The following HECW1 variants were observed in gnomAD, a reference collection of about 807,000 sequenced individuals.
The protein encoded by HECW1 is HECT, C2 and WW domain containing E3 ubiquitin protein ligase 1, also known as E3 ubiquitin-protein ligase HECW1.
In HECW1, 61 loss-of-function variants were observed where a neutral mutation model predicts 182.3. The observed-to-expected ratio is 0.33, with a 90% CI of 0.27 to 0.41. The LOEUF (loss-of-function observed/expected upper bound fraction) is 0.41, where lower values mean the gene tolerates loss of function less well. Ranked by LOEUF, HECW1 falls within the 10% of genes least tolerant of loss-of-function variation. The pLI is 1.00. For synonymous variants in HECW1, 859 were observed against 832.6 expected, an observed-to-expected ratio of 1.03 and a Z score of -0.55; for missense variants, 1,739 against 2,108.9, an observed-to-expected ratio of 0.82 and a Z score of 3.44.
At chr7:43,491,589 C>T (rs189232599) in intron 17 of HECW1, among the ~76,000 whole-genome samples, 1 of 152,086 alleles carries the variant, frequency 6.6e-6, no homozygotes, top group African/African-American at 2.4e-5. Flanking sequence ...GATTAATATT[C>T]ATGACTTTGA....
intron 3 of HECW1, among the ~76,000 whole-genome samples, chr7:43,280,567 A>G (rs1037809824): frequency 2.6e-5 from 4 of 152,188 alleles, no homozygotes; most frequent in African/African-American, 7.2e-5. Flanking sequence ...ACAAGGAGAA[A>G]AAGTTTTACA....
At chr7:43,194,194 C>T (rs1475247181) in intron 2 of HECW1, among the ~76,000 whole-genome samples, 1 of 151,908 alleles carries the variant, frequency 6.6e-6, no homozygotes, top group Non-Finnish European at 1.5e-5. Flanking sequence ...TCCTCTTGGC[C>T]AAGAGGAGGG....
chr7:43,181,942 G>T (rs1156635739), intron 2 of HECW1, among the ~76,000 whole-genome samples: 2 of 150,642 alleles, frequency 1.3e-5, no homozygotes, highest in East Asian at 1.9e-4. Context: ...TGCCCACCAC[G>T]CCCGGCTAAT....
At chr7:43,224,575 C>A (rs1322813653) in intron 2 of HECW1, among the ~76,000 whole-genome samples, 1 of 152,234 alleles carries the variant, frequency 6.6e-6, no homozygotes, top group Admixed American at 6.5e-5. Flanking sequence ...AATCACAGCA[C>A]TTTGAGATGC....
chr7:43,336,859 C>T lies in HECW1; in HGVS notation c.460+16117C>T, dbSNP rs564313301. Among the ~76,000 whole-genome samples the T allele has an allele frequency of 5.9e-5, 9 of 152,254 alleles. No homozygotes were observed. The South Asian group carries it at 6.2e-4, about 11-fold the overall frequency. ...AGATAATGGCCTCCAGCTCCATCCA[C>T]GTTGCTGCGAAGGACATGATTTTAT... On this transcript the variant is annotated intron_variant, in intron 5 of 29. Transcript: ENST00000395891.
chr7:43,492,812 T>C (rs1334020557), intron 18 of HECW1, among the ~76,000 whole-genome samples: 1 of 152,226 alleles, frequency 6.6e-6, no homozygotes, highest in Non-Finnish European at 1.5e-5. Flanking sequence ...TACCTGTTCA[T>C]GCAGAGATGC....
At chr7:43,147,245 G>GT (rs10660691) in intron 2 of HECW1, among the ~76,000 whole-genome samples, 36 of 151,014 alleles carry the variant, frequency 2.4e-4, no homozygotes, top group East Asian at 9.8e-4. Context: ...ATGTAGTTTT[G>GT]TTTTTTTTTA....
intron 19 of HECW1, among the ~76,000 whole-genome samples, chr7:43,499,507 A>G (rs2079253832): frequency 6.6e-6 from 1 of 151,764 alleles, no homozygotes; most frequent in African/African-American, 2.4e-5. Context: ...AAACAAAAGA[A>G]AAGAAAATCA....
At chr7:43,474,415 C>T (rs1386010413) in intron 16 of HECW1, among the ~76,000 whole-genome samples, 2 of 152,056 alleles carry the variant, frequency 1.3e-5, no homozygotes, top group Admixed American at 1.3e-4. Flanking sequence ...CGCCACTGCA[C>T]TCCAGCCTGA....
At chr7:43,131,767 A>AG (rs1786945836) in intron 2 of HECW1, among the ~76,000 whole-genome samples, 1 of 152,196 alleles carries the variant, frequency 6.6e-6, no homozygotes, top group Admixed American at 6.5e-5. Flanking sequence ...GGGATACTGG[A>AG]GGTGGGCTCT....
intron 2 of HECW1, among the ~76,000 whole-genome samples, chr7:43,237,147 AGGTAGGT>A (rs1562714969): frequency 1.6e-4 from 13 of 83,516 alleles, no homozygotes; most frequent in East Asian, 5.2e-4. Flanking sequence ...GGAAGTAGGT[AGGTAGGT>A]AGGTAGGTAG....
At chr7:43,167,747 A>G (rs10272524) in intron 2 of HECW1, among the ~76,000 whole-genome samples, 3,178 of 152,230 alleles carry the variant, frequency 0.021, 104 homozygotes, top group African/African-American at 0.073. Flanking sequence ...TAGTTCAAGT[A>G]CCACCCTCTC....
At chr7:43,297,348 A>T (rs1806177029) in intron 3 of HECW1, among the ~76,000 whole-genome samples, 2 of 152,258 alleles carry the variant, frequency 1.3e-5, no homozygotes, top group South Asian at 4.1e-4. Flanking sequence ...CTTCCTAATC[A>T]GCAGGTAGAA....
chr7:43,466,553 G>GCTA lies in HECW1; in HGVS notation c.2900_2902dup (p.Leu967dup). 6.2e-7 allele frequency: 1 copy of GCTA among 1,613,572 alleles called. No homozygotes were observed. Among genetic ancestry groups the GCTA allele is most frequent in the Non-Finnish European group, 8.5e-7 (1 of 1,179,954 alleles). Reference sequence around the variant, plus strand: ...TCACCAACCCCGAGTTCTTCACTGTGCTACATGCCAATTATGTGAGTGCCC... The same window carrying GCTA: ...TCACCAACCCCGAGTTCTTCACTGTGCTACTACATGCCAATTATGTGAGTGCCC... On this transcript the variant is annotated inframe_insertion, in exon 15 of 30. Coordinates refer to ENST00000395891, the MANE Select transcript of HECW1 (RefSeq NM_015052.5).
At chr7:43,141,349 C>T (rs1788132513) in intron 2 of HECW1, among the ~76,000 whole-genome samples, 1 of 152,204 alleles carries the variant, frequency 6.6e-6, no homozygotes. Context: ...CGCTGACCCC[C>T]TGCTGGGTCA....
At chr7:43,485,774 G>A (rs1167761611) in intron 17 of HECW1, among the ~76,000 whole-genome samples, 1 of 152,210 alleles carries the variant, frequency 6.6e-6, no homozygotes, top group Non-Finnish European at 1.5e-5. Flanking sequence ...GGCTCTGGGT[G>A]AGTCAGTGAG....
At chr7:43,242,874 G>T (rs78799161) in intron 2 of HECW1, among the ~76,000 whole-genome samples, 3 of 152,136 alleles carry the variant, frequency 2.0e-5, no homozygotes, top group Admixed American at 6.5e-5. Context: ...GTCCAGTAGC[G>T]TCCACCAGGG....
intron 3 of HECW1, among the ~76,000 whole-genome samples, chr7:43,288,266 G>T (rs1029337104): frequency 7.9e-5 from 12 of 152,124 alleles, no homozygotes; most frequent in African/African-American, 2.7e-4. Flanking sequence ...AGAGTCACAG[G>T]AGCTCTTGCA....
intron 2 of HECW1, among the ~76,000 whole-genome samples, chr7:43,188,590 G>A (rs1793622794): frequency 6.6e-6 from 1 of 152,184 alleles, no homozygotes; most frequent in South Asian, 2.1e-4. Context: ...TAAAATGTTG[G>A]AGGTGTTTCC....
Sources: allele counts gnomAD v4.1 joint callset (sites outside exome capture counted in the v4.1 genomes callset), GRCh38; gene constraint gnomAD v4.1.1; transcripts MANE v1.5; gene names NCBI Gene and HGNC (gene_info 2026-07-23, HGNC 2026-07-21).